The following TMEM232 variants were observed in gnomAD, a reference collection of about 807,000 sequenced individuals.
TMEM232 encodes the protein transmembrane protein 232.
TMEM232 carries 80 observed loss-of-function variants against 78.8 expected under a neutral mutation model. That is an observed-to-expected ratio of 1.01 (90% confidence interval 0.85 to 1.22). The LOEUF (loss-of-function observed/expected upper bound fraction) is 1.22. Among genes scored for constraint, TMEM232 ranks in the 50% most tolerant of loss-of-function variants. TMEM232 has a pLI of 0.00. For missense variants in TMEM232, 881 were observed against 742.2 expected, an observed-to-expected ratio of 1.19 and a Z score of -2.17; for synonymous variants, 297 against 254.3, an observed-to-expected ratio of 1.17 and a Z score of -1.60.
intron 12 of TMEM232, among the ~76,000 whole-genome samples, chr5:110,502,224 T>C (rs1395315141): frequency 6.6e-6 from 1 of 152,156 alleles, no homozygotes; most frequent in Non-Finnish European, 1.5e-5. Context: ...ATCAAATGCA[T>C]TGGTCAAGTG....
rs1374785543 is a variant in TMEM232 at position 110,632,630 on chromosome 5, A to T, written c.502-4750T>A. ...ATAAAAAGTACAATCAAGTGTTTAA[A>T]CAATAAACTAAAACAACAACACAAA... On this transcript the variant is annotated intron_variant, in intron 5 of 13. Transcript: ENST00000455884. Among the ~76,000 whole-genome samples, 4 of 152,306 alleles carry T rather than the reference A, an allele frequency of 2.6e-5. No homozygotes were observed. In the East Asian group the frequency reaches 7.7e-4, roughly 29 times the overall value.
chr5:110,417,498 T>A (rs1756267719), downstream of TMEM232, among the ~76,000 whole-genome samples: 1 of 152,202 alleles, frequency 6.6e-6, no homozygotes, highest in South Asian at 2.1e-4. Context: ...CAACTGAATT[T>A]GTGTTAAATG....
intron 3 of TMEM232, among the ~76,000 whole-genome samples, chr5:110,641,355 G>A (rs1786684067): frequency 6.6e-6 from 1 of 152,084 alleles, no homozygotes; most frequent in Admixed American, 6.6e-5. Flanking sequence ...ACAGAAGTGA[G>A]TTTGATGCCA....
chr5:110,478,333 G>T (rs80279233), intron 12 of TMEM232, among the ~76,000 whole-genome samples: 2 of 152,010 alleles, frequency 1.3e-5, no homozygotes, highest in Admixed American at 1.3e-4. Flanking sequence ...CTTTAAAATA[G>T]ATTTCTTCCT....
At chr5:110,532,561 C>G (rs928923789) in intron 11 of TMEM232, among the ~76,000 whole-genome samples, 1 of 151,914 alleles carries the variant, frequency 6.6e-6, no homozygotes, top group Admixed American at 6.6e-5. Flanking sequence ...CTCTTTTAAG[C>G]ACTCCTTTTT....
chr5:110,655,779 G>T (rs567841413), intron 2 of TMEM232, among the ~76,000 whole-genome samples: 6 of 151,570 alleles, frequency 4.0e-5, no homozygotes, highest in African/African-American at 9.7e-5. Context: ...AATTGGAAAT[G>T]ATCATTCTCA....
intron 1 of TMEM232, among the ~76,000 whole-genome samples, chr5:110,712,081 G>A (rs577860023): frequency 1.5e-5 from 2 of 136,766 alleles, no homozygotes; most frequent in Admixed American, 8.1e-5. Flanking sequence ...CAGCCTGGGG[G>A]ACAGACAGAG....
At chr5:110,691,235 A>G (rs112136068) in intron 1 of TMEM232, among the ~76,000 whole-genome samples, 1 of 152,298 alleles carries the variant, frequency 6.6e-6, no homozygotes, top group Non-Finnish European at 1.5e-5. Context: ...AAATATTTCC[A>G]TTCCTATCAA....
At chr5:110,676,868 C>T (rs927787588) in intron 1 of TMEM232, among the ~76,000 whole-genome samples, 11 of 151,988 alleles carry the variant, frequency 7.2e-5, no homozygotes, top group Admixed American at 7.2e-4. Flanking sequence ...GAGCGATTCT[C>T]CTGCCTCAGC....
intron 12 of TMEM232, among the ~76,000 whole-genome samples, chr5:110,460,684 T>C (rs916380106): frequency 2.0e-5 from 3 of 150,160 alleles, no homozygotes; most frequent in Non-Finnish European, 4.4e-5. Context: ...TTTTTTTTTT[T>C]ACAAATTAAA....
chr5:110,524,957 C>T (rs889060647), intron 12 of TMEM232, among the ~76,000 whole-genome samples: 9 of 151,970 alleles, frequency 5.9e-5, no homozygotes, highest in African/African-American at 2.2e-4. Flanking sequence ...AGTATAGCCA[C>T]ACCTGCTCTC....
Position 110,689,123 on chromosome 5 carries a change from AG to A in TMEM232, c.-12-21760del, listed in dbSNP as rs1408280900. ...AGAGAAAGGCATAGACCTGTATCCC[AG>A]GCGCATCCTTAACTTTGGCAAATAA... On this transcript the variant is annotated intron_variant, in intron 1 of 13. Transcript: ENST00000455884. Among the ~76,000 whole-genome samples, 4 of 152,130 alleles carry A rather than the reference AG, an allele frequency of 2.6e-5. No individual in the cohort carries two copies. In the East Asian group the frequency reaches 7.7e-4, roughly 29 times the overall value.
At chr5:110,665,726 C>T (rs1028677490) in intron 2 of TMEM232, among the ~76,000 whole-genome samples, 2 of 151,828 alleles carry the variant, frequency 1.3e-5, no homozygotes, top group African/African-American at 4.8e-5. Context: ...CTGTATCAGT[C>T]CCCACTAATG....
At chr5:110,445,462 A>G (rs540976053) in intron 12 of TMEM232, among the ~76,000 whole-genome samples, 3 of 152,192 alleles carry the variant, frequency 2.0e-5, no homozygotes, top group Non-Finnish European at 2.9e-5. Context: ...TAAGAACAAA[A>G]TAATACAAAG....
At chr5:110,422,332 G>A (rs1756734930) in intron 13 of TMEM232, among the ~76,000 whole-genome samples, 1 of 151,536 alleles carries the variant, frequency 6.6e-6, no homozygotes, top group Non-Finnish European at 1.5e-5. Flanking sequence ...TGGCTAACAC[G>A]GTGAAACGCC....
intron 1 of TMEM232, among the ~76,000 whole-genome samples, chr5:110,681,263 T>C (rs945974506): frequency 2.6e-5 from 4 of 152,132 alleles, no homozygotes; most frequent in South Asian, 2.1e-4. Flanking sequence ...CCTGCAAGGA[T>C]TAACTGAGGA....
chr5:110,489,778 A>G (rs1358404254), intron 12 of TMEM232, among the ~76,000 whole-genome samples: 2 of 152,072 alleles, frequency 1.3e-5, no homozygotes, highest in Non-Finnish European at 2.9e-5. Context: ...GAAAAATGTT[A>G]GCACTAATAA....
At chr5:110,695,093 A>G (rs1561529409) in intron 1 of TMEM232, among the ~76,000 whole-genome samples, 2 of 152,262 alleles carry the variant, frequency 1.3e-5, no homozygotes, top group Non-Finnish European at 2.9e-5. Flanking sequence ...AGAAATTATA[A>G]CAAACTGTCT....
Position 110,625,289 on chromosome 5 carries a change from T to G in TMEM232, c.746A>C (p.Tyr249Ser). The G allele has an allele frequency of 6.5e-7, 1 of 1,541,536 alleles. No homozygotes were observed. The highest frequency in any genetic ancestry group is 8.8e-7 in the Non-Finnish European group (1 of 1,142,570). The change falls in exon 7 of 14, where the codon TAT becomes TCT. Residue 249 changes from tyrosine to serine, a missense_variant. Coordinates refer to ENST00000455884, the MANE Select transcript of TMEM232 (RefSeq NM_001039763.4). ...IFRPVEDKKR[Y>S]ENTDSDMGGY... is the part of the protein sequence containing the mutation. ...CACCATATCAGAATCTGTGTTCTCA[T>G]ATCTTTTCTTATCTTCCACAGGTCT...
Sources: allele counts gnomAD v4.1 joint callset (sites outside exome capture counted in the v4.1 genomes callset), GRCh38; gene constraint gnomAD v4.1.1; transcripts MANE v1.5; gene names NCBI Gene and HGNC (gene_info 2026-07-23, HGNC 2026-07-21).